Variants in FGGY observed in about 807,000 individuals in gnomAD.
The protein encoded by FGGY is FGGY carbohydrate kinase domain containing.
FGGY carries 72 observed loss-of-function variants against 71.3 expected under a neutral mutation model. The ratio of observed to expected loss-of-function variants is 1.01; its 90% CI spans 0.84 to 1.23. The LOEUF is 1.23. Among genes scored for constraint, FGGY ranks in the 50% most tolerant of loss-of-function variants. The pLI is 0.00. For missense variants in FGGY, 668 were observed against 682.3 expected, an observed-to-expected ratio of 0.98 and a Z score of 0.23; for synonymous variants, 251 against 250.3, an observed-to-expected ratio of 1.00 and a Z score of -0.02.
chr1:59,745,347 G>C (rs1053722884), intron 14 of FGGY, among the ~76,000 whole-genome samples: 1 of 152,138 alleles, frequency 6.6e-6, no homozygotes, highest in Non-Finnish European at 1.5e-5. Flanking sequence ...TCTTAGCTTC[G>C]ATTATTCACC....
intron 5 of FGGY, among the ~76,000 whole-genome samples, chr1:59,389,262 C>T (rs1482512178): frequency 1.3e-5 from 2 of 152,192 alleles, no homozygotes; most frequent in East Asian, 3.8e-4. Context: ...CTCTAATCTA[C>T]TTTATGTCTG....
intron 14 of FGGY, among the ~76,000 whole-genome samples, chr1:59,701,649 T>A (rs1358073278): frequency 3.3e-5 from 5 of 152,082 alleles, no homozygotes; most frequent in African/African-American, 4.8e-5. Flanking sequence ...GAAGTGACAG[T>A]TGAGTCCAGT....
At chr1:59,436,335 C>T (rs1240108224) in intron 5 of FGGY, among the ~76,000 whole-genome samples, 2 of 152,108 alleles carry the variant, frequency 1.3e-5, no homozygotes, top group African/African-American at 2.4e-5. Flanking sequence ...ATTTGAACTT[C>T]AGTCCTCCTC....
intron 5 of FGGY, among the ~76,000 whole-genome samples, chr1:59,423,086 G>A (rs11576217): frequency 0.17 from 25,813 of 152,142 alleles, 2,688 homozygotes; most frequent in East Asian, 0.36. Flanking sequence ...TTGTGTAGCA[G>A]GAGGGGAAAT....
intron 8 of FGGY, among the ~76,000 whole-genome samples, chr1:59,564,556 A>T (rs562280858): frequency 1.3e-5 from 2 of 152,354 alleles, no homozygotes; most frequent in Admixed American, 1.3e-4. Context: ...GGAGCAGAGG[A>T]TGCTCAAAAT....
chr1:59,385,764 T>A (rs1431572779), intron 5 of FGGY, among the ~76,000 whole-genome samples: 2 of 152,112 alleles, frequency 1.3e-5, no homozygotes, highest in Non-Finnish European at 2.9e-5. Flanking sequence ...GCTAAGAGCT[T>A]TAGAGAACCT....
intron 1 of FGGY, among the ~76,000 whole-genome samples, chr1:59,300,678 T>C (rs2042616709): frequency 6.8e-6 from 1 of 146,410 alleles, no homozygotes; most frequent in African/African-American, 2.4e-5. Context: ...ACATGAAATA[T>C]GGAATCAAGT....
intron 7 of FGGY, among the ~76,000 whole-genome samples, chr1:59,544,758 G>A (rs1465949113): frequency 6.6e-6 from 1 of 152,212 alleles, no homozygotes; most frequent in Non-Finnish European, 1.5e-5. Flanking sequence ...AACTGGTGGT[G>A]AGAAAGAATC....
intron 1 of FGGY, among the ~76,000 whole-genome samples, chr1:59,319,017 C>T (rs1170186687): frequency 6.6e-6 from 1 of 152,222 alleles, no homozygotes; most frequent in South Asian, 2.1e-4. Flanking sequence ...GGCATTGCCC[C>T]TATTTTGTCA....
At chr1:59,643,479 AAC>A (rs1297655072) in intron 11 of FGGY, among the ~76,000 whole-genome samples, 1 of 152,220 alleles carries the variant, frequency 6.6e-6, no homozygotes, top group African/African-American at 2.4e-5. Flanking sequence ...ATAGGCATGA[AAC>A]ACTGTTCCCA....
At chr1:59,539,653 T>A (rs1251633819) in intron 7 of FGGY, among the ~76,000 whole-genome samples, 1 of 152,110 alleles carries the variant, frequency 6.6e-6, no homozygotes, top group Non-Finnish European at 1.5e-5. Flanking sequence ...AAAATAAAGT[T>A]CCTAAAAGAC....
chr1:59,304,739 C>T (rs2043204309), intron 1 of FGGY, among the ~76,000 whole-genome samples: 1 of 151,884 alleles, frequency 6.6e-6, no homozygotes, highest in East Asian at 1.9e-4. Context: ...TCTTCAGTTT[C>T]TTTCATCATA....
intron 5 of FGGY, among the ~76,000 whole-genome samples, chr1:59,423,737 G>A (rs1441409030): frequency 6.6e-6 from 1 of 152,132 alleles, no homozygotes; most frequent in South Asian, 2.1e-4. Flanking sequence ...CTTCTGGCAG[G>A]TCATACTACC....
In FGGY at chr1:59,456,919, C is replaced by T. The variant is rs192016297; in HGVS notation, c.555-42C>T. 5.5e-3 allele frequency: 7,947 copies of T among 1,437,408 alleles called. 30 individuals are homozygous for T. Among genetic ancestry groups the T allele is most frequent in the Non-Finnish European group, 7.1e-3 (7,296 of 1,024,212 alleles). 89.0% of individuals were successfully genotyped at this position (1,437,408 alleles called of 1,614,324 possible). On this transcript the variant is annotated intron_variant, in intron 5 of 15. Transcript: ENST00000303721. ...TTTGCAAAATATAAAGGAAGCCTCA[C>T]TCATATGGTCAGTTCTATCTATATC...
At chr1:59,678,761 C>CA (rs1558774975) in intron 14 of FGGY, among the ~76,000 whole-genome samples, 1 of 152,062 alleles carries the variant, frequency 6.6e-6, no homozygotes, top group Non-Finnish European at 1.5e-5. Flanking sequence ...CACCACCCCC[C>CA]ACCCTTGAAA....
At chr1:59,662,969 A>G (rs2097291001) in intron 12 of FGGY, among the ~76,000 whole-genome samples, 1 of 152,246 alleles carries the variant, frequency 6.6e-6, no homozygotes, top group African/African-American at 2.4e-5. Context: ...ATTGAAATGA[A>G]TAATCTTGGA....
chr1:59,314,085 C>A (rs1417786705), intron 1 of FGGY, among the ~76,000 whole-genome samples: 1 of 152,046 alleles, frequency 6.6e-6, no homozygotes, highest in Non-Finnish European at 1.5e-5. Flanking sequence ...CCTGTCTCAG[C>A]CTCCCGAGTA....
At chr1:59,374,658 T>C (rs557870154) in intron 4 of FGGY, among the ~76,000 whole-genome samples, 15 of 152,078 alleles carry the variant, frequency 9.9e-5, no homozygotes, top group African/African-American at 2.2e-4. Flanking sequence ...CCAACCCAAA[T>C]GTCCAACAAT....
intron 14 of FGGY, among the ~76,000 whole-genome samples, chr1:59,694,036 T>C (rs1192781153): frequency 3.4e-5 from 5 of 148,392 alleles, no homozygotes; most frequent in African/African-American, 5.0e-5. Context: ...GCGCGGTGGC[T>C]CACGCCTGTA....
Sources: allele counts gnomAD v4.1 joint callset (sites outside exome capture counted in the v4.1 genomes callset), GRCh38; gene constraint gnomAD v4.1.1; transcripts MANE v1.5; gene names NCBI Gene and HGNC (gene_info 2026-07-23, HGNC 2026-07-21).